RGS9: variants seen among roughly 807,000 people sequenced by gnomAD.
RGS9 encodes regulator of G-protein signalling 9.
A neutral mutation model predicts 102.0 loss-of-function variants in RGS9; 78 were observed. That is an observed-to-expected ratio of 0.76 (90% CI 0.64 to 0.92). The LOEUF (loss-of-function observed/expected upper bound fraction) is 0.92, where lower values mean the gene tolerates loss of function less well. Among genes scored for constraint, RGS9 ranks in the 40% least tolerant of loss-of-function variants. The pLI, the probability that RGS9 is intolerant of heterozygous loss-of-function variation, is 0.00. For synonymous variants in RGS9, 353 were observed against 318.6 expected (o/e 1.11, Z -1.15); for missense variants, 833 against 866.1 (o/e 0.96, Z 0.48).
intron 1 of RGS9, among the ~76,000 whole-genome samples, chr17:65,148,675 G>T (rs1329059673): frequency 6.6e-6 from 1 of 152,050 alleles, no homozygotes; most frequent in East Asian, 1.9e-4. Flanking sequence ...CACTTTTTTT[G>T]GGATCATCTC....
intron 1 of RGS9, among the ~76,000 whole-genome samples, chr17:65,151,055 A>G (rs1910559789): frequency 1.3e-5 from 2 of 152,158 alleles, no homozygotes; most frequent in Non-Finnish European, 2.9e-5. Flanking sequence ...TTAAAAAAAA[A>G]TCCTTCACGC....
chr17:65,153,243 A>C (rs16960673), intron 1 of RGS9, among the ~76,000 whole-genome samples, 179 bp from the exon 2 acceptor site: 13,673 of 152,236 alleles, frequency 0.09, 1,600 homozygotes, highest in East Asian at 0.52. Context: ...GTGTCTGTGG[A>C]GCACACCTTA....
intron 11 of RGS9, among the ~76,000 whole-genome samples, chr17:65,192,351 C>T (rs8065725): frequency 0.27 from 41,396 of 152,008 alleles, 7,348 homozygotes; most frequent in African/African-American, 0.5. Flanking sequence ...CGGTGGCTCA[C>T]GCCTATAATC....
chr17:65,138,374 T>G (rs1166632783), intron 1 of RGS9, among the ~76,000 whole-genome samples: 1 of 152,188 alleles, frequency 6.6e-6, no homozygotes, highest in African/African-American at 2.4e-5. Context: ...GTCCATCTTC[T>G]TAGGCTTATC....
chr17:65,173,534 A>G lies in RGS9; in HGVS notation c.583-4198A>G, dbSNP rs1911500995. Among the ~76,000 whole-genome samples the G allele has an allele frequency of 6.6e-6, 1 of 152,128 alleles. No individual in the cohort carries two copies. The highest frequency in any genetic ancestry group is 2.4e-5 in the African/African-American group (1 of 41,408). On this transcript the variant is annotated intron_variant, in intron 8 of 18. Transcript: ENST00000262406. The surrounding 1 kb of genome is among the most constrained non-coding windows in gnomAD (Gnocchi z 4.8). ...AAATTGCCTCTTTGGCTTACACCCA[A>G]GGGATGTTGTTTGTGGGGGGCGGGG...
chr17:65,156,243 G>A (rs1477038398), intron 2 of RGS9, among the ~76,000 whole-genome samples: 3 of 152,106 alleles, frequency 2.0e-5, no homozygotes, highest in Non-Finnish European at 4.4e-5. Context: ...GGCTGATCTC[G>A]AACTCCTGAC....
intron 8 of RGS9, among the ~76,000 whole-genome samples, chr17:65,168,709 C>T (rs1598580323): frequency 6.6e-6 from 1 of 152,030 alleles, no homozygotes; most frequent in Non-Finnish European, 1.5e-5. Flanking sequence ...TCTCTAGCTC[C>T]CTCACTTTTT....
chr17:65,182,460 C>T (rs925591567), intron 9 of RGS9, among the ~76,000 whole-genome samples: 1 of 152,218 alleles, frequency 6.6e-6, no homozygotes, highest in Non-Finnish European at 1.5e-5. Flanking sequence ...GTGGCTCCCC[C>T]AAGGACACAC....
rs1910363534 is a variant in RGS9, at chr17:65,146,443, CTGGGTT to C, written c.58-6975_58-6970del. 2.6e-5 allele frequency among the ~76,000 whole-genome samples: 4 copies of C among 152,004 alleles called. No homozygotes were observed. In the South Asian group the frequency reaches 8.3e-4, roughly 32 times the overall value. ...TCTCTACTAAAAATACAAAAATTAG[CTGGGTT>C]TGGTGGGGTGCGCCTGTAGTCCCAG... On this transcript the variant is annotated intron_variant, in intron 1 of 18. Transcript: ENST00000262406.
intron 8 of RGS9, among the ~76,000 whole-genome samples, chr17:65,176,595 A>C (rs2144033505): frequency 6.6e-6 from 1 of 152,340 alleles, no homozygotes; most frequent in East Asian, 1.9e-4. Context: ...AGTGTGGGGA[A>C]GGAGCACTGT....
At chr17:65,184,082 G>C (rs544430130) in intron 9 of RGS9, among the ~76,000 whole-genome samples, 13 of 152,214 alleles carry the variant, frequency 8.5e-5, no homozygotes, top group African/African-American at 2.9e-4. Context: ...CAGGAGGGCC[G>C]GCAGCTGAGA....
intron 13 of RGS9, among the ~76,000 whole-genome samples, chr17:65,198,124 TG>T (rs1912666851): frequency 6.6e-6 from 1 of 152,208 alleles, no homozygotes; most frequent in Non-Finnish European, 1.5e-5. Flanking sequence ...GATTCCAATG[TG>T]TGGTGATTGA....
chr17:65,161,448 C>T (rs1261802994), intron 6 of RGS9, among the ~76,000 whole-genome samples: 1 of 152,024 alleles, frequency 6.6e-6, no homozygotes, highest in Non-Finnish European at 1.5e-5. Flanking sequence ...GATGAGGTTT[C>T]ACCATGTTGG....
intron 7 of RGS9, among the ~76,000 whole-genome samples, chr17:65,165,143 G>T (rs1416189683): frequency 6.6e-6 from 1 of 152,042 alleles, no homozygotes; most frequent in Non-Finnish European, 1.5e-5. Flanking sequence ...CTCTGAGCAG[G>T]ACTATCCCAG....
chr17:65,159,740 G>A (rs1598570559), intron 3 of RGS9, among the ~76,000 whole-genome samples: 1 of 152,310 alleles, frequency 6.6e-6, no homozygotes, highest in East Asian at 1.9e-4. Flanking sequence ...GAAGTGGGAA[G>A]GAGAGGAAGG....
intron 7 of RGS9, among the ~76,000 whole-genome samples, chr17:65,166,435 T>C (rs1190555377): frequency 6.6e-6 from 1 of 152,258 alleles, no homozygotes; most frequent in Non-Finnish European, 1.5e-5. Flanking sequence ...GTGTATGTGA[T>C]GTTTAGCTCA....
chr17:65,227,381 G>A lies in RGS9; in HGVS notation c.1999G>A (p.Val667Ile), dbSNP rs369068193. Residue 667 changes from valine to isoleucine, a missense_variant, in exon 19 of 19, where the codon GTC becomes ATC. By Grantham distance (29) the Val-to-Ile change is conservative. Transcript: ENST00000262406. Reference protein sequence around the residue: ...ESGDRATEKEVICPWESL With the variant: ...ESGDRATEKEIICPWESL ...GGGTGACCGGGCCACAGAAAAGGAG[G>A]TCATCTGCCCCTGGGAGAGCCTGTA... 8.6e-5 allele frequency: 138 copies of A among 1,614,016 alleles called. No individual in the cohort carries two copies. Among genetic ancestry groups the A allele is most frequent in the Non-Finnish European group, 1.1e-4 (127 of 1,180,030 alleles).
intron 10 of RGS9, among the ~76,000 whole-genome samples, 191 bp from the exon 11 acceptor site, chr17:65,189,984 G>A (rs1912300733): frequency 6.6e-6 from 1 of 152,070 alleles, no homozygotes; most frequent in African/African-American, 2.4e-5. Flanking sequence ...ATGGCTGAAG[G>A]AGGCCACTGA....
intron 1 of RGS9, among the ~76,000 whole-genome samples, chr17:65,146,110 T>A (rs60471135): frequency 6.6e-6 from 1 of 152,160 alleles, no homozygotes; most frequent in African/African-American, 2.4e-5. Context: ...AGGAATCAAA[T>A]CTGCCAACTT....
Sources: gnomAD v4.1 joint callset for allele counts (sites outside exome capture counted in the v4.1 genomes callset) on GRCh38, gnomAD v4.1.1 for gene constraint, Gnocchi (gnomAD v3.1) non-coding constraint, MANE v1.5 for transcripts, NCBI Gene and HGNC (gene_info 2026-07-23, HGNC 2026-07-21) for gene names.